The following ACSM3 variants were observed in gnomAD, a reference collection of about 807,000 sequenced individuals.
ACSM3 encodes the protein acyl-CoA synthetase medium chain family member 3, also known as acyl-coenzyme A synthetase ACSM3, mitochondrial.
A neutral mutation model predicts 74.1 loss-of-function variants in ACSM3; 61 were observed. That is an observed-to-expected ratio of 0.82 (90% confidence interval 0.67 to 1.02). ACSM3 has a LOEUF of 1.02. ACSM3 is among the 50% of genes least tolerant of loss of function. ACSM3 has a pLI of 0.00. For synonymous variants in ACSM3, 213 were observed against 241.5 expected (o/e 0.88, Z 1.09); for missense variants, 660 against 697.0 (o/e 0.95, Z 0.60).
intron 1 of ACSM3, among the ~76,000 whole-genome samples, chr16:20,719,789 C>A (rs1396992415): frequency 6.6e-6 from 1 of 152,196 alleles, no homozygotes; most frequent in African/African-American, 2.4e-5. Flanking sequence ...AAAGTGCGGG[C>A]ACCTTTGCCC....
chr16:20,795,181 G>GTGT (rs369288252), intron 12 of ACSM3, among the ~76,000 whole-genome samples: 86 of 152,302 alleles, frequency 5.6e-4, no homozygotes, highest in Admixed American at 1.8e-3. Context: ...AAATGTTCAA[G>GTGT]TGTTGTTGTT....
chr16:20,719,651 A>G (rs1434003194), intron 1 of ACSM3, among the ~76,000 whole-genome samples: 1 of 152,260 alleles, frequency 6.6e-6, no homozygotes, highest in Non-Finnish European at 1.5e-5. Context: ...CTGAAACTGT[A>G]GCTACTTAAG....
Position 20,796,312 on chromosome 16 carries a change from A to G in ACSM3, c.1555-58A>G. On this transcript the variant is annotated intron_variant, in intron 12 of 13. Transcript: ENST00000289416. ...GATTCTCAGAGCAAGCAAACAAGAC[A>G]TACTAAAACATACAAATGCATAACT... 5 of 1,582,864 alleles carry G rather than the reference A, an allele frequency of 3.2e-6. No homozygotes were observed. In the South Asian group the frequency reaches 4.6e-5, roughly 15 times the overall value.
At chr16:20,698,635 A>C (rs1191007147) in intron 1 of ACSM3, among the ~76,000 whole-genome samples, 1 of 151,990 alleles carries the variant, frequency 6.6e-6, no homozygotes, top group Non-Finnish European at 1.5e-5. Context: ...CAGCCTCCCA[A>C]GTAGCTGGGA....
rs368585108 is a variant in ACSM3 at position 20,692,585 on chromosome 16, C to G, written c.-190+17763C>G. On this transcript the variant is annotated intron_variant, in intron 1 of 3. Transcript: ENST00000561584. ...CTTAGACCTAAAAGGGTATGTGGCT[C>G]TTAGTTGATTGTCTCCTGGATCTGG... 9.1e-4 allele frequency among the ~76,000 whole-genome samples: 138 copies of G among 152,162 alleles called. 4 individuals are homozygous for G. In the South Asian group the frequency reaches 0.028, roughly 31 times the overall value.
chr16:20,760,637 GGGGAA>G (rs2080069398), upstream of ACSM3, among the ~76,000 whole-genome samples: 1 of 152,038 alleles, frequency 6.6e-6, no homozygotes, highest in African/African-American at 2.4e-5. Context: ...ATGTGGAGTT[GGGGAA>G]TATAGATAAG....
At chr16:20,730,500 G>A (rs967707560) in intron 1 of ACSM3, among the ~76,000 whole-genome samples, 12 of 152,062 alleles carry the variant, frequency 7.9e-5, no homozygotes, top group Non-Finnish European at 1.8e-4. Flanking sequence ...AATTTCAAAA[G>A]TTTGTCTCTC....
intron 1 of ACSM3, chr16:20,734,679 T>C (rs2079854130): frequency 1.3e-5 from 2 of 152,212 alleles, no homozygotes; most frequent in South Asian, 4.1e-4. Context: ...TTGCAGACTT[T>C]GTTGGTGTCT....
chr16:20,772,967 C>CA (rs200907446), intron 2 of ACSM3, among the ~76,000 whole-genome samples: 1,529 of 81,264 alleles, frequency 0.019, 12 homozygotes, highest in African/African-American at 0.038. Flanking sequence ...GACTCCCTCT[C>CA]AAAAAAAAAA....
intron 1 of ACSM3, among the ~76,000 whole-genome samples, chr16:20,677,945 T>G (rs1047991502): frequency 6.6e-6 from 1 of 151,886 alleles, no homozygotes; most frequent in Non-Finnish European, 1.5e-5. Context: ...AAATGCTGTA[T>G]AGGCCTTAAA....
chr16:20,797,050 G>A lies in ACSM3; in HGVS notation c.*78G>A. ...TCTAGAAACCACAAGATGATGGAGA[G>A]GTCATAAAAACTGTGGTAGTATGCT... On this transcript the variant is annotated 3_prime_UTR_variant, in exon 14 of 14. Transcript: ENST00000289416. 1 of 1,537,742 alleles carries A rather than the reference G, an allele frequency of 6.5e-7. No individual in the cohort carries two copies.
At chr16:20,711,298 G>A (rs1346247041) in intron 1 of ACSM3, among the ~76,000 whole-genome samples, 1 of 152,162 alleles carries the variant, frequency 6.6e-6, no homozygotes, top group Non-Finnish European at 1.5e-5. Context: ...CGAAGCCAGT[G>A]CTCTAAAAAT....
chr16:20,797,227 A>G lies in ACSM3; in HGVS notation c.*255A>G, dbSNP rs2080740027. The G allele has an allele frequency of 1.7e-6, 2 of 1,187,392 alleles. No individual in the cohort carries two copies. The highest frequency in any genetic ancestry group is 4.6e-5 in the South Asian group (2 of 43,016). The allele number at this position is 1,187,392 out of a possible 1,614,324, so 73.6% of individuals were successfully genotyped here. The stretch of plus-strand genomic sequence containing the variant: ...CCATCAATTGCTGATTAATTTTTAA[A>G]TGTATAGTATAGAAGCAGTTTCTGA... On this transcript the variant is annotated 3_prime_UTR_variant, in exon 14 of 14. Transcript: ENST00000289416.
At chr16:20,755,992 C>T (rs1421989919) in intron 3 of ACSM3, among the ~76,000 whole-genome samples, 1 of 152,090 alleles carries the variant, frequency 6.6e-6, no homozygotes, top group Non-Finnish European at 1.5e-5. Flanking sequence ...CATAGTATTC[C>T]ATGGTATATA....
chr16:20,675,276 A>G (rs1047938208), intron 1 of ACSM3, among the ~76,000 whole-genome samples: 1 of 152,126 alleles, frequency 6.6e-6, no homozygotes, highest in African/African-American at 2.4e-5. Flanking sequence ...AAAGTGTGTG[A>G]AAGAGACGGT....
intron 1 of ACSM3, among the ~76,000 whole-genome samples, chr16:20,711,147 C>A (rs1047222252): frequency 1.3e-5 from 2 of 151,922 alleles, no homozygotes; most frequent in Non-Finnish European, 2.9e-5. Flanking sequence ...TAATGGCCCA[C>A]CATAATAATG....
At chr16:20,774,351 C>T (rs1388732792) in intron 2 of ACSM3, among the ~76,000 whole-genome samples, 1 of 151,024 alleles carries the variant, frequency 6.6e-6, no homozygotes, top group Non-Finnish European at 1.5e-5. Flanking sequence ...AAGCGATTCT[C>T]CTGCCTCAGC....
At chr16:20,693,632 T>A (rs1049832918) in intron 1 of ACSM3, among the ~76,000 whole-genome samples, 3 of 152,220 alleles carry the variant, frequency 2.0e-5, no homozygotes, top group African/African-American at 7.2e-5. Context: ...TGTTGTCAAG[T>A]GGCTGGAGCT....
chr16:20,676,814 A>G (rs770940726), intron 1 of ACSM3, among the ~76,000 whole-genome samples: 1 of 152,098 alleles, frequency 6.6e-6, no homozygotes, highest in Non-Finnish European at 1.5e-5. Context: ...CTAGAAGAAT[A>G]AATGCCCCAA....
Sources: gnomAD v4.1 joint callset for allele counts (sites outside exome capture counted in the v4.1 genomes callset) on GRCh38, gnomAD v4.1.1 for gene constraint, MANE v1.5 for transcripts, NCBI Gene and HGNC (gene_info 2026-07-23, HGNC 2026-07-21) for gene names.